Variants in KBTBD12 observed in about 807,000 individuals in gnomAD.
KBTBD12 encodes kelch repeat and BTB domain containing 12.
In KBTBD12, 53 loss-of-function variants were observed where a neutral mutation model predicts 58.7. The observed-to-expected ratio is 0.90, with a 90% CI of 0.72 to 1.14. The LOEUF (loss-of-function observed/expected upper bound fraction) is 1.14. Ranked by LOEUF, KBTBD12 falls within the 50% of genes most tolerant of loss-of-function variation. KBTBD12 has a pLI of 0.00. For synonymous variants in KBTBD12, 236 were observed against 259.8 expected (o/e 0.91, Z 0.88); for missense variants, 704 against 751.3 (o/e 0.94, Z 0.74).
intron 4 of KBTBD12, among the ~76,000 whole-genome samples, chr3:127,938,931 C>T (rs1939884320): frequency 6.6e-6 from 1 of 152,096 alleles, no homozygotes. Context: ...ATTTTAAGTA[C>T]CACTACCATA....
intron 2 of KBTBD12, among the ~76,000 whole-genome samples, chr3:127,925,582 C>G (rs75988755): frequency 0.026 from 3,890 of 152,202 alleles, 158 homozygotes; most frequent in African/African-American, 0.087. Flanking sequence ...TATTGAGAGC[C>G]CATTTCCCTT....
In KBTBD12 at chr3:127,923,150, T is replaced by A; in HGVS notation, c.89T>A (p.Met30Lys). The A allele has an allele frequency of 6.2e-7, 1 of 1,612,244 alleles. No homozygotes were observed. Among genetic ancestry groups the A allele is most frequent in the Non-Finnish European group, 8.5e-7 (1 of 1,178,440 alleles). ...KIQNMKELAE[M>K]IDVVLTAEGE... ...CAGAACATGAAAGAATTAGCAGAAA[T>A]GATTGATGTGGTACTCACAGCAGAA... Residue 30 changes from methionine to lysine, a missense_variant, in exon 2 of 6, where the codon ATG (methionine) becomes AAG (lysine). Coordinates refer to ENST00000405109, the MANE Select transcript of KBTBD12 (RefSeq NM_207335.4).
rs376450459 is a variant in KBTBD12 at position 127,924,034 on chromosome 3, A to T, written c.973A>T (p.Thr325Ser). ...CGGAGAGGGTTTAGGAACTGTGTGTACTGGTGTTGTCATGGAAAATAATAC... is the reference window on the plus strand; with the variant it reads ...CGGAGAGGGTTTAGGAACTGTGTGTTCTGGTGTTGTCATGGAAAATAATAC... ...KYGEGLGTVC[T>S]GVVMENNTII... Residue 325 changes from threonine to serine, a missense_variant, in exon 2 of 6, where the codon ACT (threonine) becomes TCT (serine). Coordinates refer to ENST00000405109, the MANE Select transcript of KBTBD12 (RefSeq NM_207335.4). 3 of 1,613,674 alleles carry T rather than the reference A, an allele frequency of 1.9e-6. No individual in the cohort carries two copies. In the African/African-American group the frequency reaches 4.0e-5, roughly 22 times the overall value.
intron 4 of KBTBD12, among the ~76,000 whole-genome samples, chr3:127,960,524 G>A (rs546006714): frequency 1.3e-5 from 2 of 152,292 alleles, no homozygotes; most frequent in Admixed American, 6.5e-5. Flanking sequence ...TTCTACAGAT[G>A]TACTGATCCT....
At chr3:127,947,594 A>T (rs992514555) in intron 4 of KBTBD12, among the ~76,000 whole-genome samples, 2 of 152,230 alleles carry the variant, frequency 1.3e-5, no homozygotes, top group Admixed American at 1.3e-4. Flanking sequence ...TATACCATGC[A>T]GCTGTGAGAG....
At chr3:127,918,595 C>G (rs1421113024) in intron 1 of KBTBD12, among the ~76,000 whole-genome samples, 4 of 151,906 alleles carry the variant, frequency 2.6e-5, no homozygotes, top group Non-Finnish European at 5.9e-5. Flanking sequence ...GCCTGTAGTC[C>G]CAGCTACTCA....
chr3:127,984,122 A>C lies in KBTBD12; in HGVS notation c.1716A>C (p.Glu572Asp). The change falls in exon 6 of 6, where the codon GAA becomes GAC. Residue 572 changes from glutamate to aspartate, a missense_variant. Coordinates refer to ENST00000405109, the MANE Select transcript of KBTBD12 (RefSeq NM_207335.4). Reference protein sequence around the residue: ...GADRHEVISKEILELDPWENQ... With the variant: ...GADRHEVISKDILELDPWENQ... ...ATCGCCATGAGGTTATCTCCAAAGA[A>C]ATATTGGAACTGGACCCATGGGAAA... 6.2e-7 allele frequency: 1 copy of C among 1,613,584 alleles called. No individual in the cohort carries two copies. The highest frequency in any genetic ancestry group is 8.5e-7 in the Non-Finnish European group (1 of 1,179,756).
At position 127,986,511 on chromosome 3, in the gene KBTBD12, G is replaced by C. The variant is rs1391915638; in HGVS notation, c.*2233G>C. 6.8e-6 allele frequency: 1 copy of C among 147,400 alleles called. No individual in the cohort carries two copies. The highest frequency in any genetic ancestry group is 2.0e-4 in the East Asian group (1 of 5,052). 9.1% of individuals were successfully genotyped at this position (147,400 alleles called of 1,614,324 possible). A position where few individuals can be genotyped will look rare whatever the true frequency, so the allele number is the denominator to read the frequency against. ...TTTTTTTTTTTTTTTTTGAGACGGA[G>C]TCTCTCTCTCTCGCCAGGCTGGAGT... is the stretch of plus-strand genomic sequence containing the variant. On this transcript the variant is annotated 3_prime_UTR_variant, in exon 6 of 6. Transcript: ENST00000405109.
chr3:127,956,756 C>T (rs1940328781), intron 4 of KBTBD12, among the ~76,000 whole-genome samples: 1 of 152,150 alleles, frequency 6.6e-6, no homozygotes, highest in South Asian at 2.1e-4. Flanking sequence ...TACAACTATA[C>T]AATCTGTGCT....
In KBTBD12 at chr3:127,923,170, G is replaced by A; in HGVS notation, c.109G>A (p.Ala37Thr). Residue 37 changes from alanine (A) to threonine (T), a missense_variant, in exon 2 of 6, where the codon GCA becomes ACA. Ala to Thr is a moderately conservative substitution (Grantham distance 58). Coordinates refer to ENST00000405109, the MANE Select transcript of KBTBD12 (RefSeq NM_207335.4). The part of the protein sequence containing the change: ...LAEMIDVVLT[A>T]EGEKFPCHRL... ...AGAAATGATTGATGTGGTACTCACAGCAGAAGGAGAGAAATTTCCTTGCCA... is the reference window on the plus strand; with the variant it reads ...AGAAATGATTGATGTGGTACTCACAACAGAAGGAGAGAAATTTCCTTGCCA... The A allele has an allele frequency of 1.2e-6, 2 of 1,613,018 alleles. No individual in the cohort carries two copies. The highest frequency in any genetic ancestry group is 1.7e-6 in the Non-Finnish European group (2 of 1,179,016).
intron 5 of KBTBD12, among the ~76,000 whole-genome samples, chr3:127,972,708 A>G (rs538790469): frequency 6.6e-6 from 1 of 152,364 alleles, no homozygotes; most frequent in African/African-American, 2.4e-5. Context: ...AAGCAGGTAC[A>G]TTGTCAAAGA....
At chr3:127,938,374 T>C (rs1939870966) in intron 4 of KBTBD12, among the ~76,000 whole-genome samples, 1 of 152,120 alleles carries the variant, frequency 6.6e-6, no homozygotes, top group South Asian at 2.1e-4. Context: ...ATTTGCAACA[T>C]TTGATGCAGA....
chr3:127,915,304 C>G lies in KBTBD12; in HGVS notation c.-395C>G, dbSNP rs1444646712. The G allele has an allele frequency of 6.6e-6, 1 of 152,424 alleles. No homozygotes were observed. Among genetic ancestry groups the G allele is most frequent in the Non-Finnish European group, 1.5e-5 (1 of 68,220 alleles). The allele number at this position is 152,424 out of a possible 1,614,324, so 9.4% of individuals were successfully genotyped here. On this transcript the variant is annotated 5_prime_UTR_variant, in exon 1 of 6. Transcript: ENST00000405109. ...GGCTGTAGTCGCCGTCTGGAACCAG[C>G]GCGGGAATAGGTGCGCAGGCGCACA...
At chr3:127,945,346 G>T (rs1388287100) in intron 4 of KBTBD12, among the ~76,000 whole-genome samples, 1 of 151,098 alleles carries the variant, frequency 6.6e-6, no homozygotes, top group Non-Finnish European at 1.5e-5. Context: ...CACAATGCCC[G>T]GCTAATTTTT....
chr3:127,931,462 T>G (rs1939699143), intron 4 of KBTBD12, among the ~76,000 whole-genome samples: 2 of 152,048 alleles, frequency 1.3e-5, no homozygotes, highest in Non-Finnish European at 2.9e-5. Flanking sequence ...TAACCTATGA[T>G]AGATCACCTA....
Position 127,984,225 on chromosome 3 carries a change from C to T in KBTBD12, c.1819C>T (p.Arg607Ter), listed in dbSNP as rs529486685. ...CTGCCTAGTAGCCAGGATGAATCCC[C>T]GAGACCTCATCCCCCCGCCTTCAGA... is the stretch of plus-strand genomic sequence containing the variant. The part of the protein sequence containing the change: ...DVCLVARMNP[R>*]DLIPPPSDLV... The change falls in exon 6 of 6, where the codon CGA becomes TGA. Residue 607 changes from arginine to a stop codon, truncating the protein, a stop_gained. Coordinates refer to ENST00000405109, the MANE Select transcript of KBTBD12 (RefSeq NM_207335.4). LOFTEE classifies it high-confidence loss of function. The T allele has an allele frequency of 7.4e-5, 120 of 1,613,848 alleles. No homozygotes were observed. The highest frequency in any genetic ancestry group is 1.5e-4 in the Admixed American group (9 of 59,996).
At chr3:127,983,331 G>A (rs1250164467) in intron 5 of KBTBD12, among the ~76,000 whole-genome samples, 1 of 152,148 alleles carries the variant, frequency 6.6e-6, no homozygotes, top group Non-Finnish European at 1.5e-5. Flanking sequence ...CCAGTGTAGC[G>A]GTGCTGGAGG....
rs1939617223 is a variant in KBTBD12 at position 127,928,004 on chromosome 3, A to C, written c.1311A>C (p.Lys437Asn). 6.2e-7 allele frequency: 1 copy of C among 1,613,466 alleles called. No individual in the cohort carries two copies. The highest frequency in any genetic ancestry group is 1.3e-5 in the African/African-American group (1 of 74,988). The change falls in exon 3 of 6, where the codon AAA becomes AAC. Residue 437 changes from lysine to asparagine, a missense_variant. Coordinates refer to ENST00000405109, the MANE Select transcript of KBTBD12 (RefSeq NM_207335.4). ...ATGCTGTAGTGACAGTGAATAATAA[A>C]CTTTATGTAATTGGAGGCTGGACCC... ...ACHAVVTVNN[K>N]LYVIGGWTPQ...
intron 4 of KBTBD12, among the ~76,000 whole-genome samples, chr3:127,942,458 G>A (rs1209576031): frequency 2.0e-5 from 3 of 151,886 alleles, no homozygotes; most frequent in African/African-American, 7.3e-5. Context: ...TTCACTTAGT[G>A]TAATGTCTAG....
Sources: gnomAD v4.1 joint callset for allele counts (sites outside exome capture counted in the v4.1 genomes callset) on GRCh38, gnomAD v4.1.1 for gene constraint, MANE v1.5 for transcripts, NCBI Gene and HGNC (gene_info 2026-07-23, HGNC 2026-07-21) for gene names.